MAEL: variants seen among roughly 807,000 people sequenced by gnomAD.
MAEL encodes maelstrom spermatogenic transposon silencer.
In MAEL, 46 loss-of-function variants were observed where a neutral mutation model predicts 62.0. That is an observed-to-expected ratio of 0.74 (90% confidence interval 0.59 to 0.95). The LOEUF is 0.95. Ranked by LOEUF, MAEL falls within the 40% of genes least tolerant of loss-of-function variation. The probability of loss-of-function intolerance (pLI) is 0.00; values close to 1 mark genes in which losing one functional copy is unlikely to be tolerated. For missense variants in MAEL, 497 were observed against 526.8 expected (o/e 0.94, Z 0.55); for synonymous variants, 172 against 175.5 (o/e 0.98, Z 0.16).
At chr1:167,018,594 C>T (rs1665494081) in intron 10 of MAEL, among the ~76,000 whole-genome samples, 1 of 152,120 alleles carries the variant, frequency 6.6e-6, no homozygotes, top group South Asian at 2.1e-4. Context: ...AGTACCAAGG[C>T]CTCCCTGCCT....
chr1:167,008,221 T>C (rs2102107590), intron 8 of MAEL, among the ~76,000 whole-genome samples: 1 of 152,256 alleles, frequency 6.6e-6, no homozygotes, highest in African/African-American at 2.4e-5. Flanking sequence ...TTTTAAAATT[T>C]TTCTCACACA....
At chr1:167,016,873 G>A (rs1164291733) in intron 9 of MAEL, among the ~76,000 whole-genome samples, 1 of 152,098 alleles carries the variant, frequency 6.6e-6, no homozygotes, top group East Asian at 1.9e-4. Flanking sequence ...AGTGAAATAA[G>A]CCAGGCACAG....
intron 8 of MAEL, among the ~76,000 whole-genome samples, chr1:167,011,423 C>G (rs142226194): frequency 1.3e-5 from 2 of 152,166 alleles, no homozygotes; most frequent in African/African-American, 4.8e-5. Flanking sequence ...GTACCATTAC[C>G]TCAGTTACAG....
At chr1:166,981,981 C>A (rs1277831581) in intron 1 of MAEL, among the ~76,000 whole-genome samples, 1 of 152,194 alleles carries the variant, frequency 6.6e-6, no homozygotes, top group Non-Finnish European at 1.5e-5. Flanking sequence ...AGATTGAGGT[C>A]TCTTCCATGG....
At position 166,989,742 on chromosome 1, in the gene MAEL, G is replaced by A; in HGVS notation, c.138G>A (p.Leu46=). ...IPYCSSDWAL[L]REEEKEKYAE... ...GCTCCTTCAATCCCCAAAAGCTTCT[G>A]AGGGAGGAAGAAAAGGAGAAATACG... is the stretch of plus-strand genomic sequence containing the variant. Residue 46 remains leucine, a synonymous_variant, in exon 2 of 12, where the codon CTG becomes CTA. Coordinates refer to ENST00000367872, the MANE Select transcript of MAEL (RefSeq NM_032858.3). 1 of 1,613,760 alleles carries A rather than the reference G, an allele frequency of 6.2e-7. No individual in the cohort carries two copies. Among genetic ancestry groups the A allele is most frequent in the Non-Finnish European group, 8.5e-7 (1 of 1,179,904 alleles).
At chr1:167,006,432 C>G (rs1325931523) in intron 8 of MAEL, among the ~76,000 whole-genome samples, 1 of 151,552 alleles carries the variant, frequency 6.6e-6, no homozygotes, top group Non-Finnish European at 1.5e-5. Context: ...TGAGATTATG[C>G]ATTTTTGGCA....
intron 4 of MAEL, among the ~76,000 whole-genome samples, chr1:166,993,179 A>T (rs1235892012): frequency 2.0e-5 from 3 of 152,042 alleles, no homozygotes; most frequent in Non-Finnish European, 4.4e-5. Context: ...CTCATCCTTC[A>T]CCTCAGTGGT....
At position 166,989,819 on chromosome 1, in the gene MAEL, C is replaced by T. The variant is rs945371429; in HGVS notation, c.215C>T (p.Ser72Leu). 6.2e-7 allele frequency: 1 copy of T among 1,611,680 alleles called. No homozygotes were observed. Among genetic ancestry groups the T allele is most frequent in the Admixed American group, 1.7e-5 (1 of 59,358 alleles). The change falls in exon 2 of 12, where the codon TCA becomes TTA. Residue 72 changes from serine (S) to leucine (L), a missense_variant. Transcript: ENST00000367872. The part of the protein sequence containing the change: ...RAAQGKDPGP[S>L]EKQKPVFTPL... ...GCTCAGGGAAAGGACCCTGGGCCCT[C>T]AGAGAAGCAGGTAAAGTTAACGAGA...
At chr1:166,977,210 G>A (rs944003670) in intron 1 of MAEL, among the ~76,000 whole-genome samples, 2 of 152,198 alleles carry the variant, frequency 1.3e-5, no homozygotes, top group Non-Finnish European at 2.9e-5. Context: ...AATTCTTTGA[G>A]CCACCCAATA....
upstream of MAEL, among the ~76,000 whole-genome samples, chr1:166,987,540 G>A (rs1329088639): frequency 6.6e-6 from 1 of 152,060 alleles, no homozygotes; most frequent in Non-Finnish European, 1.5e-5. Context: ...GGAATTGCTG[G>A]GTCCTATGAT....
chr1:167,008,819 G>GAGAT (rs1296957961), intron 8 of MAEL, among the ~76,000 whole-genome samples: 1 of 152,004 alleles, frequency 6.6e-6, no homozygotes, highest in African/African-American at 2.4e-5. Context: ...TTTAAAACAA[G>GAGAT]GCTTTTAAAT....
chr1:167,005,208 G>T (rs946381612), intron 7 of MAEL, 48 bp from the exon 8 acceptor site: 14 of 1,607,770 alleles, frequency 8.7e-6, no homozygotes, highest in Non-Finnish European at 1.0e-5. Context: ...TATCTTCCAG[G>T]TATCTAAATT....
At chr1:167,016,354 C>T (rs908851952) in intron 9 of MAEL, 70 bp downstream of exon 9, 7 of 1,476,866 alleles carry the variant, frequency 4.7e-6, no homozygotes, top group Non-Finnish European at 6.6e-6. Flanking sequence ...GTTTTGCTTG[C>T]TATAGCTTTG....
chr1:167,014,978 C>T (rs1018487760), intron 8 of MAEL, among the ~76,000 whole-genome samples: 5 of 151,956 alleles, frequency 3.3e-5, no homozygotes, highest in African/African-American at 4.8e-5. Context: ...GAGCAGAGAT[C>T]GCGCCTCATA....
chr1:167,021,543 A>AT (rs1215336112), intron 11 of MAEL, 125 bp from the exon 12 acceptor site: 2 of 672,502 alleles, frequency 3.0e-6, no homozygotes, highest in African/African-American at 3.7e-5. Context: ...AAACAAAAAC[A>AT]TTTTTCTGTT....
In MAEL at chr1:167,004,524, A is replaced by G. The variant is rs112857023; in HGVS notation, c.648+220A>G. Among the ~76,000 whole-genome samples, 636 of 152,246 alleles carry G rather than the reference A, an allele frequency of 4.2e-3. 7 individuals carry two copies. The highest frequency in any genetic ancestry group is 0.015 in the African/African-American group (613 of 41,556). ...GACTGCAAAAGCTAAACATATATCT[A>G]TTTTGGTAGAGTTCATGTTCTCTGA... On this transcript the variant is annotated intron_variant, in intron 6 of 11. Transcript: ENST00000367872.
At chr1:166,995,239 C>G (rs1664371269) in intron 5 of MAEL, among the ~76,000 whole-genome samples, 1 of 151,614 alleles carries the variant, frequency 6.6e-6, no homozygotes, top group African/African-American at 2.4e-5. Flanking sequence ...TCTAGTAGTT[C>G]CTTTTTTGTT....
upstream of MAEL, among the ~76,000 whole-genome samples, chr1:166,984,701 A>G (rs1161707802): frequency 1.3e-5 from 2 of 152,224 alleles, no homozygotes; most frequent in East Asian, 1.9e-4. Flanking sequence ...GACTAGATAC[A>G]GTACAGCAAC....
intron 5 of MAEL, among the ~76,000 whole-genome samples, chr1:167,003,766 G>A (rs1220842082): frequency 6.6e-6 from 1 of 152,058 alleles, no homozygotes; most frequent in East Asian, 1.9e-4. Flanking sequence ...TTCATGTGAA[G>A]TGGGTGTCAT....
Sources: allele counts gnomAD v4.1 joint callset (sites outside exome capture counted in the v4.1 genomes callset), GRCh38; gene constraint gnomAD v4.1.1; transcripts MANE v1.5; gene names NCBI Gene and HGNC (gene_info 2026-07-23, HGNC 2026-07-21).